The following ZNF430 variants were observed in gnomAD, a reference collection of about 807,000 sequenced individuals.
The protein encoded by ZNF430 is zinc finger protein 430.
A neutral mutation model predicts 56.7 loss-of-function variants in ZNF430; 35 were observed. The ratio of observed to expected loss-of-function variants is 0.62; its 90% CI spans 0.47 to 0.82. The LOEUF (loss-of-function observed/expected upper bound fraction) is 0.82. Ranked by LOEUF, ZNF430 falls within the 40% of genes least tolerant of loss-of-function variation. ZNF430 has a pLI of 0.00. For synonymous variants in ZNF430, 212 were observed against 224.3 expected, an observed-to-expected ratio of 0.94 and a Z score of 0.49; for missense variants, 574 against 661.0, an observed-to-expected ratio of 0.87 and a Z score of 1.44.
At chr19:21,035,230 ATTTCT>A (rs1967975241) in intron 4 of ZNF430, 1 of 152,106 alleles carries the variant, frequency 6.6e-6, no homozygotes, top group Non-Finnish European at 1.5e-5. Flanking sequence ...GTCTTCTCTA[ATTTCT>A]TTTATTAATA....
intron 4 of ZNF430, 135 bp from the exon 5 acceptor site, chr19:21,056,496 A>AT: frequency 1.5e-6 from 1 of 653,448 alleles, no homozygotes; most frequent in Non-Finnish European, 2.3e-6. Flanking sequence ...CTAAAAAAAA[A>AT]AAAAAATTAG....
intron 2 of ZNF430, among the ~76,000 whole-genome samples, chr19:21,025,338 G>A (rs1484643662): frequency 2.0e-5 from 3 of 152,174 alleles, no homozygotes; most frequent in Non-Finnish European, 4.4e-5. Flanking sequence ...TGGTGGGAGT[G>A]TAGCAGTGAG....
chr19:21,034,539 C>CT lies in ZNF430; in HGVS notation c.322+370dup, dbSNP rs112328192. The CT allele has an allele frequency of 1.2e-3, 185 of 155,156 alleles. 1 individual carries two copies. The highest frequency in any genetic ancestry group is 2.8e-3 in the African/African-American group (110 of 39,000). 9.6% of individuals were successfully genotyped at this position (155,156 alleles called of 1,614,324 possible). A position where few individuals can be genotyped will look rare whatever the true frequency, so the allele number is the denominator to read the frequency against. On this transcript the variant is annotated intron_variant, in intron 4 of 4. Coordinates refer to ENST00000261560, the MANE Select transcript of ZNF430 (RefSeq NM_025189.4). ...AACTATTTTCTTTTCTTTTTTCTTTCTTTTTTTTTTTTTTTGAGACTGAGT... is the reference window on the plus strand; with the variant it reads ...AACTATTTTCTTTTCTTTTTTCTTTCTTTTTTTTTTTTTTTTGAGACTGAGT...
chr19:21,031,890 T>A (rs1178310756), intron 2 of ZNF430, among the ~76,000 whole-genome samples: 2 of 152,222 alleles, frequency 1.3e-5, no homozygotes, highest in African/African-American at 2.4e-5. Flanking sequence ...ATTAAAAAAT[T>A]CTTATAATAT....
In ZNF430 at chr19:21,037,234, C is replaced by G. The variant is rs190385075; in HGVS notation, c.322+3050C>G. Reference sequence around the variant, plus strand: ...GGTTCAAGCGATTCTCCTGCCTCAGCCTCCCGAGTAGCTGGGACTACAGGC... The same window carrying G: ...GGTTCAAGCGATTCTCCTGCCTCAGGCTCCCGAGTAGCTGGGACTACAGGC... On this transcript the variant is annotated intron_variant, in intron 4 of 4. Coordinates refer to ENST00000261560, the MANE Select transcript of ZNF430 (RefSeq NM_025189.4). 1.0e-3 allele frequency among the ~76,000 whole-genome samples: 154 copies of G among 152,010 alleles called. 1 individual carries two copies. Among genetic ancestry groups the G allele is most frequent in the African/African-American group, 3.2e-3 (132 of 41,454 alleles).
chr19:21,055,566 A>C (rs188518769), intron 4 of ZNF430, among the ~76,000 whole-genome samples: 6 of 151,962 alleles, frequency 3.9e-5, no homozygotes, highest in Non-Finnish European at 8.8e-5. Flanking sequence ...CTCCTGCCTC[A>C]GCCTCCCAAG....
chr19:21,053,265 G>A (rs1419574053), intron 4 of ZNF430, among the ~76,000 whole-genome samples: 1 of 151,878 alleles, frequency 6.6e-6, no homozygotes, highest in East Asian at 1.9e-4. Flanking sequence ...GGAAGGAGGG[G>A]GGTGATGACT....
chr19:21,043,244 T>C (rs1360231827), intron 4 of ZNF430, among the ~76,000 whole-genome samples: 3 of 152,236 alleles, frequency 2.0e-5, no homozygotes, highest in Admixed American at 6.5e-5. Flanking sequence ...AACGTTTTTA[T>C]AGTTTTTGGT....
At chr19:21,025,097 T>G (rs1340483319) in intron 2 of ZNF430, among the ~76,000 whole-genome samples, 3 of 151,970 alleles carry the variant, frequency 2.0e-5, no homozygotes, top group African/African-American at 7.2e-5. Context: ...TCAGGGTGAG[T>G]CTACAGAGTA....
intron 2 of ZNF430, among the ~76,000 whole-genome samples, chr19:21,025,455 C>G (rs923921907): frequency 6.6e-6 from 1 of 152,152 alleles, no homozygotes; most frequent in Non-Finnish European, 1.5e-5. Flanking sequence ...GTATCTTGTG[C>G]TGAACTCTTG....
At position 21,022,831 on chromosome 19, in the gene ZNF430, G is replaced by A; in HGVS notation, c.46G>A (p.Gly16Arg). ...SGVYPLKEAS[G>R]CPGADRNLLV... ...AGTGTATCCTCTCAAGGAAGCAAGT[G>A]GATGCCCTGGGGCTGACAGGAATCT... Residue 16 changes from glycine to arginine, a missense_variant, in exon 2 of 5, where the codon GGA becomes AGA. This residue lies in a region of ZNF430 where 346 missense variants were observed against 399.1 expected (regional missense o/e 0.87). Coordinates refer to ENST00000261560, the MANE Select transcript of ZNF430 (RefSeq NM_025189.4). 1.9e-6 allele frequency: 3 copies of A among 1,613,988 alleles called. No individual in the cohort carries two copies. The highest frequency in any genetic ancestry group is 1.7e-6 in the Non-Finnish European group (2 of 1,179,914).
rs569081661 is a variant in ZNF430, at chr19:21,047,474, C to T, written c.323-9157C>T. Among the ~76,000 whole-genome samples the T allele has an allele frequency of 4.6e-5, 7 of 152,300 alleles. No homozygotes were observed. The South Asian group carries it at 1.5e-3, about 32-fold the overall frequency. ...ATTCTTTTCATCTTTGTGAGTTTTT[C>T]TAGCTTCGATCTTTGAGGCTGCTGA... On this transcript the variant is annotated intron_variant, in intron 4 of 4. Transcript: ENST00000261560.
intron 4 of ZNF430, chr19:21,035,355 T>G (rs2144763907): frequency 6.6e-6 from 1 of 152,322 alleles, no homozygotes; most frequent in East Asian, 1.9e-4. Context: ...GAACAATAAC[T>G]TCATACTTGT....
intron 2 of ZNF430, 74 bp from the exon 3 acceptor site, chr19:21,033,382 T>G (rs1967936442): frequency 1.3e-6 from 2 of 1,527,668 alleles, no homozygotes; most frequent in Non-Finnish European, 1.8e-6. Context: ...TCATTTCACT[T>G]TAATTCAAAT....
chr19:21,021,102 GATCGTCACGGGAGA>G (rs970974993), intron 1 of ZNF430, among the ~76,000 whole-genome samples: 14 of 152,290 alleles, frequency 9.2e-5, no homozygotes, highest in Admixed American at 6.5e-4. Context: ...ACCACGGGAG[GATCGTCACGGGAGA>G]ATCGTCACGG....
intron 3 of ZNF430, 110 bp from the exon 4 acceptor site, chr19:21,033,976 T>G (rs1967948725): frequency 2.5e-6 from 2 of 787,590 alleles, no homozygotes; most frequent in Admixed American, 6.0e-5. Flanking sequence ...AATTAGTATT[T>G]TTAGGATTAA....
chr19:21,026,764 T>C (rs1967803737), intron 2 of ZNF430, among the ~76,000 whole-genome samples: 1 of 151,620 alleles, frequency 6.6e-6, no homozygotes, highest in Non-Finnish European at 1.5e-5. Context: ...AATCATGTCA[T>C]CTGCACACAG....
At chr19:21,032,235 G>A (rs915803727) in intron 2 of ZNF430, among the ~76,000 whole-genome samples, 3 of 152,150 alleles carry the variant, frequency 2.0e-5, no homozygotes, top group African/African-American at 7.2e-5. Flanking sequence ...AAATTATTAG[G>A]AGATACCTGC....
In ZNF430 at chr19:21,020,769, C is replaced by T. The variant is rs372284477; in HGVS notation, c.-32C>T. On this transcript the variant is annotated 5_prime_UTR_variant, in exon 1 of 5. Coordinates refer to ENST00000261560, the MANE Select transcript of ZNF430 (RefSeq NM_025189.4). Reference sequence around the variant, plus strand: ...CCCGCAGGTATTGGGAGATCTACAGCTAAGACGCCAGGAACCCCTGGAAGC... The same window carrying T: ...CCCGCAGGTATTGGGAGATCTACAGTTAAGACGCCAGGAACCCCTGGAAGC... The T allele has an allele frequency of 4.4e-5, 71 of 1,613,542 alleles. 1 individual carries two copies. In the African/African-American group the frequency reaches 6.9e-4, roughly 16 times the overall value.
Sources: gnomAD v4.1 joint callset for allele counts (sites outside exome capture counted in the v4.1 genomes callset) on GRCh38, gnomAD v4.1.1 for gene constraint, gnomAD v4.1.1 regional missense constraint, MANE v1.5 for transcripts, NCBI Gene and HGNC (gene_info 2026-07-23, HGNC 2026-07-21) for gene names.